APPBP2: variants seen among roughly 807,000 people sequenced by gnomAD.
APPBP2 encodes amyloid beta precursor protein binding protein 2, also known as amyloid protein-binding protein 2.
In APPBP2, 15 loss-of-function variants were observed where a neutral mutation model predicts 76.0. The observed-to-expected ratio is 0.20, with a 90% confidence interval of 0.13 to 0.30. The LOEUF (loss-of-function observed/expected upper bound fraction) is 0.30, where lower values mean the gene tolerates loss of function less well. Ranked by LOEUF, APPBP2 falls within the 10% of genes least tolerant of loss-of-function variation. The probability of loss-of-function intolerance (pLI) is 1.00; values close to 1 mark genes in which losing one functional copy is unlikely to be tolerated. For missense variants in APPBP2, 401 were observed against 687.2 expected, an observed-to-expected ratio of 0.58 and a Z score of 4.66; for synonymous variants, 222 against 242.2, an observed-to-expected ratio of 0.92 and a Z score of 0.77.
chr17:60,498,531 A>C (rs574022580), intron 2 of APPBP2, among the ~76,000 whole-genome samples: 2 of 152,338 alleles, frequency 1.3e-5, no homozygotes, highest in East Asian at 3.8e-4. Context: ...AAACAGCCCA[A>C]ATGTCCATCA....
At chr17:60,476,552 G>A (rs190807071) in intron 4 of APPBP2, among the ~76,000 whole-genome samples, 3 of 151,932 alleles carry the variant, frequency 2.0e-5, no homozygotes, top group East Asian at 1.9e-4. Context: ...CACCTGTAAC[G>A]GCCAAGAATT....
At chr17:60,462,350 C>T (rs570593009) in intron 6 of APPBP2, 29 of 273,576 alleles carry the variant, frequency 1.1e-4, no homozygotes, top group African/African-American at 5.3e-4. Flanking sequence ...CCCCATTTTC[C>T]GCTATTATTA....
chr17:60,462,282 G>T, intron 6 of APPBP2: 1 of 489,846 alleles, frequency 2.0e-6, no homozygotes, highest in Non-Finnish European at 3.6e-6. Context: ...TTAAAATTTT[G>T]ACAGTCAGTC....
At chr17:60,463,142 T>G (rs1309396502) in intron 6 of APPBP2, among the ~76,000 whole-genome samples, 1 of 152,200 alleles carries the variant, frequency 6.6e-6, no homozygotes, top group African/African-American at 2.4e-5. Flanking sequence ...AGAGAAATAT[T>G]AGACTCTCTC....
intron 1 of APPBP2, among the ~76,000 whole-genome samples, chr17:60,522,266 A>C (rs1286361028): frequency 6.6e-6 from 1 of 152,188 alleles, no homozygotes; most frequent in African/African-American, 2.4e-5. Context: ...ACTTACCCGC[A>C]GCAAATGAAC....
At chr17:60,479,759 G>A (rs1168770822) in intron 3 of APPBP2, among the ~76,000 whole-genome samples, 1 of 152,058 alleles carries the variant, frequency 6.6e-6, no homozygotes, top group African/African-American at 2.4e-5. Flanking sequence ...TATTTCCTCA[G>A]CATATTATCT....
chr17:60,516,762 T>C (rs1476626386), intron 1 of APPBP2, among the ~76,000 whole-genome samples: 1 of 152,194 alleles, frequency 6.6e-6, no homozygotes, highest in Non-Finnish European at 1.5e-5. Context: ...TAATGCTGCT[T>C]TTCCAAAATG....
At chr17:60,518,210 T>A (rs73330233) in intron 1 of APPBP2, among the ~76,000 whole-genome samples, 12,417 of 151,854 alleles carry the variant, frequency 0.082, 1,697 homozygotes, top group African/African-American at 0.28. Context: ...ATGCCTAGCT[T>A]ATTTTTTATT....
At chr17:60,501,052 A>T (rs982426752) in intron 1 of APPBP2, among the ~76,000 whole-genome samples, 3 of 152,184 alleles carry the variant, frequency 2.0e-5, no homozygotes, top group Non-Finnish European at 4.4e-5. Flanking sequence ...CTGTGGTTTG[A>T]TCCTGTCATT....
chr17:60,481,894 T>C (rs553892265), intron 3 of APPBP2, among the ~76,000 whole-genome samples: 182 of 152,318 alleles, frequency 1.2e-3, no homozygotes, highest in Non-Finnish European at 1.6e-3. Flanking sequence ...TACTATTTCT[T>C]TTTTTAGAGA....
intron 3 of APPBP2, 136 bp downstream of exon 3, chr17:60,494,329 TG>T: frequency 2.5e-6 from 2 of 810,288 alleles, no homozygotes; most frequent in East Asian, 5.5e-5. Context: ...TGCTTTGGCA[TG>T]GGGTTAAGTG....
At chr17:60,525,703 AG>A (rs2091047897) in intron 1 of APPBP2, 90 bp downstream of exon 1, 1 of 1,576,404 alleles carries the variant, frequency 6.3e-7, no homozygotes, top group Admixed American at 1.8e-5. Flanking sequence ...GGAAGGGGTG[AG>A]GGGTTAACTG....
intron 11 of APPBP2, among the ~76,000 whole-genome samples, chr17:60,453,312 T>TC (rs2090409141): frequency 6.6e-6 from 1 of 151,990 alleles, no homozygotes; most frequent in East Asian, 1.9e-4. Flanking sequence ...GCCTCCTGAG[T>TC]AGCTGGGACT....
At chr17:60,502,557 A>G (rs2090830866) in intron 1 of APPBP2, among the ~76,000 whole-genome samples, 1 of 130,830 alleles carries the variant, frequency 7.6e-6, no homozygotes, top group African/African-American at 4.7e-5. Context: ...TTTCTTTTTA[A>G]AAAAAGAATA....
chr17:60,498,662 A>G lies in APPBP2; in HGVS notation c.227+1737T>C, dbSNP rs545186439. 6.6e-5 allele frequency among the ~76,000 whole-genome samples: 10 copies of G among 151,878 alleles called. No homozygotes were observed. In the East Asian group the frequency reaches 7.7e-4, roughly 12 times the overall value. On this transcript the variant is annotated intron_variant, in intron 2 of 12. Coordinates refer to ENST00000083182, the MANE Select transcript of APPBP2 (RefSeq NM_006380.5). ...GATTCTCATAAAACAATACTGGGGG[A>G]AAAAAAAGCCAGACACAAAAGGGCA...
rs1239159750 is a variant in APPBP2 at position 60,445,793 on chromosome 17, G to A, written c.*1788C>T. On this transcript the variant is annotated 3_prime_UTR_variant, in exon 13 of 13. Coordinates refer to ENST00000083182, the MANE Select transcript of APPBP2 (RefSeq NM_006380.5). Reference sequence around the variant, plus strand: ...TAAAAAGAAAATAATTCGATTTGAGGAGTAAACTCAGGTTTCTAAATCACA... The same window carrying A: ...TAAAAAGAAAATAATTCGATTTGAGAAGTAAACTCAGGTTTCTAAATCACA... The A allele has an allele frequency of 6.6e-6, 1 of 152,106 alleles. No individual in the cohort carries two copies. Among genetic ancestry groups the A allele is most frequent in the African/African-American group, 2.4e-5 (1 of 41,416 alleles). The allele number at this position is 152,106 out of a possible 1,614,324, so 9.4% of individuals were successfully genotyped here.
At chr17:60,497,109 C>G (rs922233069) in intron 2 of APPBP2, among the ~76,000 whole-genome samples, 1 of 152,120 alleles carries the variant, frequency 6.6e-6, no homozygotes, top group African/African-American at 2.4e-5. Context: ...CTGCTATGGC[C>G]CCAGCATCTA....
chr17:60,460,183 A>G (rs1251220057), intron 9 of APPBP2: 1 of 152,532 alleles, frequency 6.6e-6, no homozygotes, highest in Non-Finnish European at 1.5e-5. Context: ...CTAAATGAAT[A>G]ACCTATAAAT....
intron 1 of APPBP2, among the ~76,000 whole-genome samples, chr17:60,521,187 T>C (rs551792389): frequency 1.6e-4 from 25 of 152,338 alleles, no homozygotes; most frequent in African/African-American, 6.0e-4. Context: ...CCAAGCATTA[T>C]GATCACATGC....
Sources: gnomAD v4.1 joint callset for allele counts (sites outside exome capture counted in the v4.1 genomes callset) on GRCh38, gnomAD v4.1.1 for gene constraint, MANE v1.5 for transcripts, NCBI Gene and HGNC (gene_info 2026-07-23, HGNC 2026-07-21) for gene names.